CRPPA: variants seen among roughly 807,000 people sequenced by gnomAD.
The protein encoded by CRPPA is CDP-L-ribitol pyrophosphorylase A.
Under a neutral mutation model 52.0 loss-of-function variants are expected in CRPPA, and 43 were observed. The observed-to-expected ratio is 0.83, with a 90% CI of 0.65 to 1.07. CRPPA has a LOEUF of 1.07. CRPPA is among the 50% of genes least tolerant of loss of function. The pLI is 0.00. For missense variants in CRPPA, 629 were observed against 551.7 expected (o/e 1.14, Z -1.40); for synonymous variants, 250 against 203.5 (o/e 1.23, Z -1.94).
intron 3 of CRPPA, among the ~76,000 whole-genome samples, chr7:16,372,006 G>C (rs1263292436): frequency 6.6e-6 from 1 of 151,132 alleles, no homozygotes; most frequent in African/African-American, 2.4e-5. Context: ...CCAATCAGAC[G>C]AAGTAAAAAA....
chr7:16,150,028 C>T (rs1783047382), intron 9 of CRPPA, among the ~76,000 whole-genome samples: 1 of 151,400 alleles, frequency 6.6e-6, no homozygotes, highest in Non-Finnish European at 1.5e-5. Flanking sequence ...CTATCATTTA[C>T]CTCCTGATAG....
intron 3 of CRPPA, among the ~76,000 whole-genome samples, chr7:16,319,542 A>G (rs920427119): frequency 3.3e-5 from 5 of 152,030 alleles, no homozygotes; most frequent in African/African-American, 1.2e-4. Flanking sequence ...CTTTCTGTAG[A>G]GTGATTGGGT....
At chr7:16,363,675 G>T (rs926100316) in intron 3 of CRPPA, among the ~76,000 whole-genome samples, 2 of 152,080 alleles carry the variant, frequency 1.3e-5, no homozygotes, top group African/African-American at 4.8e-5. Context: ...AGTCTCTTTA[G>T]TGATGGAATC....
At chr7:16,126,683 C>T (rs1782587817) in intron 9 of CRPPA, among the ~76,000 whole-genome samples, 1 of 152,060 alleles carries the variant, frequency 6.6e-6, no homozygotes, top group Non-Finnish European at 1.5e-5. Context: ...GACTACATAG[C>T]AGAATGAGTA....
At chr7:16,293,006 T>C (rs1366108298) in intron 5 of CRPPA, among the ~76,000 whole-genome samples, 2 of 151,938 alleles carry the variant, frequency 1.3e-5, no homozygotes, top group Non-Finnish European at 2.9e-5. Flanking sequence ...CAGCTTCTGC[T>C]TTACCATATG....
At chr7:16,125,888 TACAC>T (rs3083131) in intron 9 of CRPPA, among the ~76,000 whole-genome samples, 14,849 of 133,958 alleles carry the variant, frequency 0.11, 838 homozygotes, top group South Asian at 0.2. Context: ...GAAGCTTGCC[TACAC>T]ACACACACAC....
rs1782697309 is a variant in CRPPA, at chr7:16,132,442, G to C, written c.1252-40643C>G. On this transcript the variant is annotated intron_variant, in intron 9 of 9. Coordinates refer to ENST00000407010, the MANE Select transcript of CRPPA (RefSeq NM_001101426.4). ...CATATATAGAATTCTCTCGTTGAAAGAGAATAGAAAGGATTAAGAATGACT... is the reference window on the plus strand; with the variant it reads ...CATATATAGAATTCTCTCGTTGAAACAGAATAGAAAGGATTAAGAATGACT... 1.6e-5 allele frequency among the ~76,000 whole-genome samples: 2 copies of C among 124,748 alleles called. 1 individual carries two copies. Among genetic ancestry groups the C allele is most frequent in the Non-Finnish European group, 3.6e-5 (2 of 54,856 alleles). The allele number at this position is 124,748 out of a possible 152,430, so 81.8% of individuals were successfully genotyped here.
chr7:16,255,480 C>G (rs375474548), intron 8 of CRPPA, among the ~76,000 whole-genome samples: 2 of 152,132 alleles, frequency 1.3e-5, no homozygotes, highest in South Asian at 4.1e-4. Context: ...GCCTGCATTG[C>G]CAAGACAATC....
At chr7:16,152,558 T>C (rs908317526) in intron 9 of CRPPA, among the ~76,000 whole-genome samples, 7 of 152,010 alleles carry the variant, frequency 4.6e-5, no homozygotes, top group African/African-American at 1.4e-4. Flanking sequence ...TAAGTATTTA[T>C]AAAATGAATT....
At chr7:16,383,043 G>T (rs547638825) in intron 2 of CRPPA, among the ~76,000 whole-genome samples, 1 of 152,182 alleles carries the variant, frequency 6.6e-6, no homozygotes, top group Non-Finnish European at 1.5e-5. Context: ...GAGGAACTGC[G>T]TTCCTTTGGA....
At chr7:16,185,787 C>T (rs189317858) in intron 9 of CRPPA, among the ~76,000 whole-genome samples, 4 of 152,176 alleles carry the variant, frequency 2.6e-5, no homozygotes, top group Non-Finnish European at 5.9e-5. Flanking sequence ...GGTCAGGAGG[C>T]ACTGATTGGA....
intron 8 of CRPPA, among the ~76,000 whole-genome samples, chr7:16,239,268 A>C (rs776053908): frequency 1.3e-4 from 20 of 152,006 alleles, no homozygotes; most frequent in Admixed American, 9.2e-4. Context: ...TGTTATTTGA[A>C]GACCTAGTAC....
intron 3 of CRPPA, among the ~76,000 whole-genome samples, chr7:16,326,144 G>A (rs930382457): frequency 4.7e-5 from 7 of 150,222 alleles, no homozygotes; most frequent in Admixed American, 3.3e-4. Context: ...TCCTCTGAAA[G>A]AGCTATATAT....
At chr7:16,219,598 T>C (rs1782441570) in intron 8 of CRPPA, among the ~76,000 whole-genome samples, 1 of 120,082 alleles carries the variant, frequency 8.3e-6, no homozygotes, top group African/African-American at 3.0e-5. Flanking sequence ...CAATAAAAAA[T>C]GATAAAGGGG....
intron 9 of CRPPA, among the ~76,000 whole-genome samples, chr7:16,106,407 T>G (rs1782152612): frequency 1.3e-5 from 2 of 151,894 alleles, no homozygotes; most frequent in Non-Finnish European, 2.9e-5. Context: ...ATCCAGGGAG[T>G]GTATCTTGTG....
rs146812888 is a variant in CRPPA at position 16,260,230 on chromosome 7, G to T, written c.934-1218C>A. ...ACTTGTTCCATACTTCCTTTGCAAG[G>T]ATGTTTGTACAAATTGCAGAGATAG... On this transcript the variant is annotated intron_variant, in intron 6 of 9. Transcript: ENST00000407010. Among the ~76,000 whole-genome samples the T allele has an allele frequency of 7.0e-4, 106 of 152,054 alleles. 1 individual carries two copies. Among genetic ancestry groups the T allele is most frequent in the Middle Eastern group, 6.8e-3 (2 of 294 alleles).
At chr7:16,283,336 GAA>G (rs1784357391) in intron 5 of CRPPA, among the ~76,000 whole-genome samples, 1 of 149,728 alleles carries the variant, frequency 6.7e-6, no homozygotes, top group African/African-American at 2.4e-5. Context: ...TATATGTTAT[GAA>G]AGTTATTTAA....
intron 8 of CRPPA, among the ~76,000 whole-genome samples, chr7:16,224,101 C>A (rs948409655): frequency 1.3e-5 from 2 of 151,974 alleles, no homozygotes; most frequent in Non-Finnish European, 2.9e-5. Flanking sequence ...AAACATTTAA[C>A]ATGTGGTTAG....
chr7:16,152,941 G>A (rs1222261962), intron 9 of CRPPA, among the ~76,000 whole-genome samples: 1 of 151,912 alleles, frequency 6.6e-6, no homozygotes, highest in East Asian at 1.9e-4. Context: ...TTTTCAGAAA[G>A]AAAGCCAATG....
Sources: allele counts gnomAD v4.1 joint callset (sites outside exome capture counted in the v4.1 genomes callset), GRCh38; gene constraint gnomAD v4.1.1; transcripts MANE v1.5; gene names NCBI Gene and HGNC (gene_info 2026-07-23, HGNC 2026-07-21).